Variants in KLF8 observed in about 807,000 individuals in gnomAD.
KLF8 encodes the protein Krueppel-like factor 8.
A neutral mutation model predicts 18.2 loss-of-function variants in KLF8; 10 were observed. The observed-to-expected ratio is 0.55, with a 90% CI of 0.34 to 0.93. The LOEUF (loss-of-function observed/expected upper bound fraction) is 0.93. Among genes scored for constraint, KLF8 ranks in the 40% least tolerant of loss-of-function variants. The probability of loss-of-function intolerance (pLI) is 0.02; values close to 1 mark genes in which losing one functional copy is unlikely to be tolerated. For missense variants in KLF8, 264 were observed against 277.9 expected (o/e 0.95, Z 0.36); for synonymous variants, 109 against 97.3 (o/e 1.12, Z -0.71).
At chrX:56,050,526 C>G in the KLF8 span, among the ~76,000 whole-genome samples, 3 of 111,905 alleles carry the variant, frequency 2.7e-5, no homozygotes, top group Non-Finnish European at 5.6e-5. Context: ...TTGTTATGTA[C>G]CCAGTAGTCA....
the KLF8 span, among the ~76,000 whole-genome samples, chrX:56,189,946 A>C: frequency 1.9e-5 from 2 of 106,752 alleles, no homozygotes; most frequent in Non-Finnish European, 3.9e-5. Flanking sequence ...GGTGCAGCAC[A>C]CCAGCATGGC....
chrX:55,909,502 G>A, the KLF8 span, among the ~76,000 whole-genome samples: 6 of 112,716 alleles, frequency 5.3e-5, no homozygotes, highest in Admixed American at 5.6e-4. Flanking sequence ...ACACTGCTGG[G>A]AGGTTTGTGT....
At chrX:56,231,272 T>C (rs1457089775), upstream of KLF8, among the ~76,000 whole-genome samples, 1 of 111,522 alleles carries the variant, frequency 9.0e-6, no homozygotes, top group Admixed American at 9.5e-5. Flanking sequence ...GGAAGGTAGA[T>C]GAGATGCACA....
At chrX:55,948,840 G>A in the KLF8 span, among the ~76,000 whole-genome samples, 1 of 112,040 alleles carries the variant, frequency 8.9e-6, no homozygotes, top group African/African-American at 3.2e-5. Flanking sequence ...ACTTCCCAAT[G>A]TGTCAGTTTC....
At chrX:56,069,793 GC>G in the KLF8 span, among the ~76,000 whole-genome samples, 4 of 111,829 alleles carry the variant, frequency 3.6e-5, no homozygotes, top group Non-Finnish European at 7.5e-5. Context: ...CAGCGGTCTT[GC>G]CCAGCTTCCT....
At chrX:56,176,266 C>G in the KLF8 span, among the ~76,000 whole-genome samples, 1 of 111,791 alleles carries the variant, frequency 8.9e-6, no homozygotes, top group East Asian at 2.8e-4. Context: ...ATGTTTAGTG[C>G]TTCCTTCAGG....
chrX:56,096,706 ACAAAAT>A, the KLF8 span, among the ~76,000 whole-genome samples: 1 of 111,600 alleles, frequency 9.0e-6, no homozygotes, highest in South Asian at 3.7e-4. Context: ...GGGAATATCA[ACAAAAT>A]CAAAAGCTGA....
the KLF8 span, among the ~76,000 whole-genome samples, chrX:56,038,902 TCTGA>T: frequency 8.9e-6 from 1 of 112,125 alleles, no homozygotes; most frequent in Non-Finnish European, 1.9e-5. Context: ...TTTTAGCCAT[TCTGA>T]CTATCGTGAG....
chrX:56,182,348 A>G, the KLF8 span, among the ~76,000 whole-genome samples: 1 of 111,934 alleles, frequency 8.9e-6, no homozygotes, highest in Non-Finnish European at 1.9e-5. Flanking sequence ...TGTTTATTCT[A>G]GTTAACCATT....
the KLF8 span, among the ~76,000 whole-genome samples, chrX:56,069,043 C>T: frequency 9.0e-6 from 1 of 111,516 alleles, no homozygotes; most frequent in African/African-American, 3.3e-5. Flanking sequence ...AGCCCAGCAG[C>T]CTCACTTCTG....
chrX:56,196,627 G>A, the KLF8 span, among the ~76,000 whole-genome samples: 1 of 111,290 alleles, frequency 9.0e-6, no homozygotes, highest in Non-Finnish European at 1.9e-5. Flanking sequence ...AAGAGACTTA[G>A]AATCCCACAC....
the KLF8 span, chrX:55,961,454 A>T: frequency 5.5e-6 from 3 of 547,201 alleles, no homozygotes; most frequent in South Asian, 2.3e-5. Flanking sequence ...AACAAGGAAG[A>T]GGCCCAGATT....
chrX:56,061,490 A>G, the KLF8 span, among the ~76,000 whole-genome samples: 1 of 111,610 alleles, frequency 9.0e-6, no homozygotes, highest in Non-Finnish European at 1.9e-5. Flanking sequence ...GAGTTTCTTA[A>G]TCTTGAGTTC....
the KLF8 span, among the ~76,000 whole-genome samples, chrX:56,187,421 C>G: frequency 4.6e-4 from 51 of 111,800 alleles, no homozygotes; most frequent in African/African-American, 1.6e-3. Flanking sequence ...CAGATGAATT[C>G]ACAGCGGAAT....
chrX:56,127,807 C>A, the KLF8 span, among the ~76,000 whole-genome samples: 1 of 112,385 alleles, frequency 8.9e-6, no homozygotes, highest in Non-Finnish European at 1.9e-5. Context: ...TTTCATGGAA[C>A]CTTGCTAAAG....
At chrX:55,934,327 G>A in the KLF8 span, among the ~76,000 whole-genome samples, 1 of 111,602 alleles carries the variant, frequency 9.0e-6, no homozygotes, top group Non-Finnish European at 1.9e-5. Flanking sequence ...TTTATATAGG[G>A]CAGCCAAAGA....
chrX:56,202,266 G>T, the KLF8 span, among the ~76,000 whole-genome samples: 1 of 109,454 alleles, frequency 9.1e-6, no homozygotes, highest in Non-Finnish European at 1.9e-5. Flanking sequence ...TTTGTTTGTT[G>T]GGTTTTTTTG....
chrX:56,289,486 G>A lies in KLF8; in HGVS notation c.*4992G>A, dbSNP rs2067301708. ...GCTAACAGCAAGGAAACATATGTGT[G>A]TATACTATCCTATGTATATGCACAT... On this transcript the variant is annotated 3_prime_UTR_variant, in exon 6 of 6. Coordinates refer to ENST00000468660, the MANE Select transcript of KLF8 (RefSeq NM_007250.5). Among the ~76,000 whole-genome samples, 2 of 111,832 alleles carry A rather than the reference G, an allele frequency of 1.8e-5. No individual in the cohort carries two copies. Among genetic ancestry groups the A allele is most frequent in the South Asian group, 3.7e-4 (1 of 2,697 alleles).
chrX:56,256,747 A>T (rs1263607516), intron 2 of KLF8, among the ~76,000 whole-genome samples: 1 of 112,145 alleles, frequency 8.9e-6, no homozygotes, highest in Non-Finnish European at 1.9e-5. Flanking sequence ...GTTGTTGCCC[A>T]GTCTGGAGTG....
Sources: allele counts gnomAD v4.1 joint callset (sites outside exome capture counted in the v4.1 genomes callset), GRCh38; gene constraint gnomAD v4.1.1; transcripts MANE v1.5; gene names NCBI Gene and HGNC (gene_info 2026-07-23, HGNC 2026-07-21).